Variants in SLC26A8 observed in about 807,000 individuals in gnomAD.
SLC26A8 encodes the protein testis anion transporter 1.
SLC26A8 carries 70 observed loss-of-function variants against 105.0 expected under a neutral mutation model. The observed-to-expected ratio is 0.67, with a 90% CI of 0.55 to 0.81. The LOEUF (loss-of-function observed/expected upper bound fraction) is 0.81, where lower values mean the gene tolerates loss of function less well. Among genes scored for constraint, SLC26A8 ranks in the 40% least tolerant of loss-of-function variants. SLC26A8 has a pLI of 0.00. For missense variants in SLC26A8, 998 were observed against 1,181.8 expected, an observed-to-expected ratio of 0.84 and a Z score of 2.28; for synonymous variants, 415 against 438.3, an observed-to-expected ratio of 0.95 and a Z score of 0.66.
chr6:36,019,395 C>T, intron 2 of SLC26A8, 125 bp downstream of exon 2: 2 of 1,042,258 alleles, frequency 1.9e-6, no homozygotes, highest in East Asian at 2.7e-5. Flanking sequence ...AGAAAAATTG[C>T]ACAATAAACT....
At chr6:36,016,870 A>G (rs1166821529) in intron 2 of SLC26A8, among the ~76,000 whole-genome samples, 1 of 152,212 alleles carries the variant, frequency 6.6e-6, no homozygotes, top group Non-Finnish European at 1.5e-5. Flanking sequence ...GGAAACATAG[A>G]TGAAAATATG....
intron 2 of SLC26A8, among the ~76,000 whole-genome samples, chr6:36,014,583 T>TA (rs145366980): frequency 0.13 from 20,278 of 151,984 alleles, 1,411 homozygotes; most frequent in Non-Finnish European, 0.14. Flanking sequence ...TCATTTACAT[T>TA]AAAAAAACTC....
intron 3 of SLC26A8, among the ~76,000 whole-genome samples, chr6:36,011,121 TAAACTACTGTGAGTAAAGGATTTATA>T (rs1761845527): frequency 2.0e-5 from 3 of 152,286 alleles, no homozygotes; most frequent in Non-Finnish European, 2.9e-5. Flanking sequence ...TGGGGAACTA[TAAACTACTGTGAGTAAAGGATTTATA>T]AAACCCATTC....
intron 3 of SLC26A8, among the ~76,000 whole-genome samples, chr6:36,011,791 T>C (rs545471143): frequency 3.7e-4 from 56 of 152,276 alleles, no homozygotes; most frequent in African/African-American, 1.3e-3. Context: ...TATTTTTTTG[T>C]AGAGACAGAG....
intron 5 of SLC26A8, among the ~76,000 whole-genome samples, chr6:35,992,990 C>A (rs952873177): frequency 2.0e-5 from 3 of 152,016 alleles, no homozygotes; most frequent in Non-Finnish European, 2.9e-5. Flanking sequence ...GTGATCAGAA[C>A]AAGCCTTTGC....
intron 17 of SLC26A8, among the ~76,000 whole-genome samples, chr6:35,954,509 T>C (rs1323578695): frequency 6.6e-6 from 1 of 152,212 alleles, no homozygotes; most frequent in Non-Finnish European, 1.5e-5. Context: ...GATTTGCAGC[T>C]GACTCCCAGG....
At chr6:36,023,710 G>A (rs1287550263) in intron 1 of SLC26A8, among the ~76,000 whole-genome samples, 1 of 152,076 alleles carries the variant, frequency 6.6e-6, no homozygotes, top group African/African-American at 2.4e-5. Context: ...ATCACGGAAA[G>A]GCAAAATTTA....
At chr6:35,966,407 A>G (rs1414675961) in intron 11 of SLC26A8, among the ~76,000 whole-genome samples, 1 of 152,072 alleles carries the variant, frequency 6.6e-6, no homozygotes, top group Non-Finnish European at 1.5e-5. Flanking sequence ...GAGGAAACAA[A>G]TCTTTTCATA....
chr6:35,960,244 T>A (rs1024000932), intron 14 of SLC26A8: 2 of 158,708 alleles, frequency 1.3e-5, no homozygotes, highest in African/African-American at 4.8e-5. Context: ...TTTCACCCTC[T>A]GCTTTTCCTG....
chr6:35,969,161 G>C, intron 10 of SLC26A8: 2 of 522,992 alleles, frequency 3.8e-6, no homozygotes, highest in East Asian at 3.4e-5. Context: ...CTCCCTAAAT[G>C]AATGGAAAGA....
intron 3 of SLC26A8, among the ~76,000 whole-genome samples, chr6:36,001,360 C>G (rs895039461): frequency 6.6e-6 from 1 of 152,128 alleles, no homozygotes; most frequent in Non-Finnish European, 1.5e-5. Context: ...GATCTCCTGA[C>G]CTCGTGATCC....
At chr6:35,952,225 A>G (rs9348984) in intron 17 of SLC26A8, among the ~76,000 whole-genome samples, 4 of 152,130 alleles carry the variant, frequency 2.6e-5, no homozygotes, top group Non-Finnish European at 5.9e-5. Context: ...TGAGACCCCC[A>G]CTTCCCCCTG....
chr6:36,019,218 G>A (rs1295174915), intron 2 of SLC26A8, among the ~76,000 whole-genome samples: 2 of 152,036 alleles, frequency 1.3e-5, no homozygotes, highest in Non-Finnish European at 2.9e-5. Context: ...GAGCCATTGC[G>A]TCTTGCTGGC....
intron 1 of SLC26A8, among the ~76,000 whole-genome samples, chr6:36,022,089 C>T (rs993130131): frequency 1.3e-5 from 2 of 152,198 alleles, no homozygotes; most frequent in African/African-American, 4.8e-5. Flanking sequence ...TGCCTTGCCT[C>T]CTGAGTAGCT....
At chr6:35,964,890 C>G (rs1028010523) in intron 11 of SLC26A8, among the ~76,000 whole-genome samples, 3 of 150,936 alleles carry the variant, frequency 2.0e-5, no homozygotes, top group African/African-American at 7.3e-5. Context: ...CTCCTTGAAC[C>G]TGGGAGGCAG....
chr6:35,963,333 A>G (rs1486144327), intron 11 of SLC26A8, among the ~76,000 whole-genome samples: 1 of 152,110 alleles, frequency 6.6e-6, no homozygotes, highest in Non-Finnish European at 1.5e-5. Context: ...GCCTCTTTCA[A>G]CTTTTATAAG....
chr6:35,944,611 GGAGGCTGAGGCAGGAGGATTGCTT>G (rs1364242798), intron 19 of SLC26A8, among the ~76,000 whole-genome samples: 2 of 151,388 alleles, frequency 1.3e-5, no homozygotes, highest in African/African-American at 2.4e-5. Flanking sequence ...TAGCTACTCA[GGAGGCTGAGGCAGGAGGATTGCTT>G]GAGGCTGAGA....
intron 19 of SLC26A8, 33 bp downstream of exon 19, chr6:35,951,130 C>T (rs893137993): frequency 3.5e-6 from 5 of 1,435,404 alleles, no homozygotes; most frequent in Non-Finnish European, 9.5e-7. Context: ...TCAATCCCTT[C>T]CCCCAACCTC....
Position 35,962,221 on chromosome 6 carries a change from G to A in SLC26A8, c.1461+305C>T, listed in dbSNP as rs1340133542. ...AGCCTGGGCAACAGAGTGAGACTCCGTCTCAAAAAAAAAAAAAAAAAGTTA... is the reference window on the plus strand; with the variant it reads ...AGCCTGGGCAACAGAGTGAGACTCCATCTCAAAAAAAAAAAAAAAAAGTTA... On this transcript the variant is annotated intron_variant, in intron 12 of 19. Transcript: ENST00000490799. 1.9e-4 allele frequency among the ~76,000 whole-genome samples: 22 copies of A among 118,412 alleles called. No individual in the cohort carries two copies. The South Asian group carries it at 2.5e-3, about 13-fold the overall frequency. The allele number at this position is 118,412 out of a possible 152,430, so 77.7% of individuals were successfully genotyped here.
Sources: allele counts gnomAD v4.1 joint callset (sites outside exome capture counted in the v4.1 genomes callset), GRCh38; gene constraint gnomAD v4.1.1; transcripts MANE v1.5; gene names NCBI Gene and HGNC (gene_info 2026-07-23, HGNC 2026-07-21).